Variants in PDE1A observed in about 807,000 individuals in gnomAD.
The protein encoded by PDE1A is phosphodiesterase 1A, also known as dual specificity calcium/calmodulin-dependent 3',5'-cyclic nucleotide phosphodiesterase 1A.
Under a neutral mutation model 61.7 loss-of-function variants are expected in PDE1A, and 35 were observed. The observed-to-expected ratio is 0.57, with a 90% CI of 0.43 to 0.75. The LOEUF is 0.75. Among genes scored for constraint, PDE1A ranks in the 30% least tolerant of loss-of-function variants. The probability of loss-of-function intolerance (pLI) is 0.00; values close to 1 mark genes in which losing one functional copy is unlikely to be tolerated. For synonymous variants in PDE1A, 232 were observed against 213.2 expected, an observed-to-expected ratio of 1.09 and a Z score of -0.77; for missense variants, 597 against 630.6, an observed-to-expected ratio of 0.95 and a Z score of 0.57.
intron 1 of PDE1A, among the ~76,000 whole-genome samples, chr2:182,386,452 C>T (rs566858256): frequency 1.3e-4 from 20 of 151,872 alleles, no homozygotes; most frequent in African/African-American, 4.3e-4. Flanking sequence ...CACCTCTGCC[C>T]CGGCGCCCTG....
At chr2:182,376,616 C>T (rs1044022808) in intron 1 of PDE1A, among the ~76,000 whole-genome samples, 16 of 152,216 alleles carry the variant, frequency 1.1e-4, no homozygotes, top group African/African-American at 3.6e-4. Flanking sequence ...CCAACCTCTG[C>T]CTGTTACCCA....
the PDE1A span, among the ~76,000 whole-genome samples, chr2:182,594,649 C>T: frequency 0.8 from 122,223 of 152,256 alleles, 49,391 homozygotes; most frequent in East Asian, 0.98. Flanking sequence ...ATAAAAGATA[C>T]TGGCATTTTT....
At chr2:182,633,702 T>A in the PDE1A span, among the ~76,000 whole-genome samples, 1 of 152,148 alleles carries the variant, frequency 6.6e-6, no homozygotes, top group East Asian at 1.9e-4. Flanking sequence ...TTTCTAATCA[T>A]TTGGCCTGCA....
At chr2:182,244,470 G>C (rs1164564922) in intron 2 of PDE1A, among the ~76,000 whole-genome samples, 2 of 151,836 alleles carry the variant, frequency 1.3e-5, no homozygotes, top group Admixed American at 1.3e-4. Context: ...CTACAGGGTA[G>C]CCTCATTTTC....
At chr2:182,271,383 T>C (rs1693013914) in intron 1 of PDE1A, among the ~76,000 whole-genome samples, 2 of 152,072 alleles carry the variant, frequency 1.3e-5, no homozygotes, top group South Asian at 4.1e-4. Context: ...AATAATCCTA[T>C]TGAAGCAGAG....
intron 2 of PDE1A, among the ~76,000 whole-genome samples, chr2:182,464,970 T>A (rs1417382719): frequency 6.6e-6 from 1 of 152,054 alleles, no homozygotes; most frequent in African/African-American, 2.4e-5. Context: ...AATTGAAGAG[T>A]GAGACTTAAA....
At chr2:182,462,370 A>G (rs548023486) in intron 2 of PDE1A, among the ~76,000 whole-genome samples, 141 of 151,164 alleles carry the variant, frequency 9.3e-4, no homozygotes, top group African/African-American at 3.2e-3. Flanking sequence ...ATGTGTGTGT[A>G]TATATATATA....
At chr2:182,544,371 T>C in the PDE1A span, among the ~76,000 whole-genome samples, 1 of 152,222 alleles carries the variant, frequency 6.6e-6, no homozygotes, top group African/African-American at 2.4e-5. Flanking sequence ...TTTTAGTATC[T>C]TTTCTACAGC....
the PDE1A span, among the ~76,000 whole-genome samples, chr2:182,614,582 G>T: frequency 1.6e-5 from 2 of 128,228 alleles, no homozygotes; most frequent in Admixed American, 1.9e-4. Flanking sequence ...TTGAGACAGA[G>T]TCTCACTCTG....
intron 1 of PDE1A, among the ~76,000 whole-genome samples, chr2:182,305,931 A>G (rs1477758501): frequency 6.6e-6 from 1 of 152,164 alleles, no homozygotes; most frequent in Admixed American, 6.5e-5. Flanking sequence ...AAAATATACA[A>G]TACACTATTT....
intron 1 of PDE1A, among the ~76,000 whole-genome samples, chr2:182,277,046 C>G (rs538225081): frequency 1.3e-5 from 2 of 152,160 alleles, no homozygotes; most frequent in South Asian, 2.1e-4. Flanking sequence ...AACATAGACC[C>G]TCATGAGTAA....
chr2:182,410,606 C>T (rs868225190), intron 1 of PDE1A, among the ~76,000 whole-genome samples: 1 of 152,184 alleles, frequency 6.6e-6, no homozygotes, highest in South Asian at 2.1e-4. Context: ...CTCACATGAT[C>T]AGTGTCATTC....
At chr2:182,570,716 G>T in the PDE1A span, among the ~76,000 whole-genome samples, 1 of 152,204 alleles carries the variant, frequency 6.6e-6, no homozygotes. Flanking sequence ...AAAATAATTG[G>T]AGCAATATAT....
chr2:182,489,473 C>T (rs1306249066), intron 2 of PDE1A, among the ~76,000 whole-genome samples: 5 of 152,092 alleles, frequency 3.3e-5, no homozygotes, highest in Admixed American at 6.5e-5. Context: ...TTAGGGAGAC[C>T]GTAGCAGGCC....
At chr2:182,542,899 C>T in the PDE1A span, among the ~76,000 whole-genome samples, 71 of 152,260 alleles carry the variant, frequency 4.7e-4, no homozygotes, top group East Asian at 0.013. Flanking sequence ...GTCCAAAAGC[C>T]AGAACTCACA....
At chr2:182,462,960 G>C (rs1686404448) in intron 2 of PDE1A, among the ~76,000 whole-genome samples, 1 of 152,098 alleles carries the variant, frequency 6.6e-6, no homozygotes, top group Non-Finnish European at 1.5e-5. Flanking sequence ...CTAAGGGTAG[G>C]CCGGGTGCGG....
intron 2 of PDE1A, chr2:182,241,671 A>T (rs1428963718): frequency 1.8e-6 from 1 of 551,094 alleles, no homozygotes; most frequent in Non-Finnish European, 2.9e-6. Context: ...CCATGGTATT[A>T]AATAAGCATG....
rs182994545 is a variant in PDE1A, at chr2:182,357,590, T to A, written c.53+68988A>T. ...GCAGAAAGTGTGTTTATTTATTTAT[T>A]TATTTATTGGCTATTAGGATCATTA... On this transcript the variant is annotated intron_variant, in intron 1 of 13. Coordinates refer to ENST00000351439, the Ensembl canonical transcript of PDE1A. Among the ~76,000 whole-genome samples the A allele has an allele frequency of 5.3e-5, 8 of 152,332 alleles. No homozygotes were observed. In the East Asian group the frequency reaches 1.5e-3, roughly 29 times the overall value.
chr2:182,687,697 G>C, the PDE1A span, among the ~76,000 whole-genome samples: 2 of 152,280 alleles, frequency 1.3e-5, no homozygotes, highest in African/African-American at 4.8e-5. Context: ...ACTTTGATGA[G>C]TTGAGAGAAG....
Sources: allele counts gnomAD v4.1 joint callset (sites outside exome capture counted in the v4.1 genomes callset), GRCh38; gene constraint gnomAD v4.1.1; transcripts MANE v1.5; gene names NCBI Gene and HGNC (gene_info 2026-07-23, HGNC 2026-07-21).